FGF7: variants seen among roughly 807,000 people sequenced by gnomAD.
The protein encoded by FGF7 is FGF-7.
In FGF7, 6 loss-of-function variants were observed where a neutral mutation model predicts 20.5. The ratio of observed to expected loss-of-function variants is 0.29; its 90% CI spans 0.16 to 0.58. FGF7 has a LOEUF of 0.58. Ranked by LOEUF, FGF7 falls within the 20% of genes least tolerant of loss-of-function variation. The pLI, the probability that FGF7 is intolerant of heterozygous loss-of-function variation, is 0.90. For synonymous variants in FGF7, 64 were observed against 74.7 expected, an observed-to-expected ratio of 0.86 and a Z score of 0.74; for missense variants, 144 against 228.8, an observed-to-expected ratio of 0.63 and a Z score of 2.39.
chr15:49,444,597 A>T (rs2052004004), intron 2 of FGF7, among the ~76,000 whole-genome samples: 3 of 151,714 alleles, frequency 2.0e-5, no homozygotes, highest in South Asian at 4.1e-4. Flanking sequence ...AGCTGAAATA[A>T]CTTGGTATCT....
intron 2 of FGF7, among the ~76,000 whole-genome samples, chr15:49,475,016 T>A (rs1169915333): frequency 6.6e-6 from 1 of 152,256 alleles, no homozygotes; most frequent in Admixed American, 6.5e-5. Context: ...ATAAACTATA[T>A]TTCAGACAAT....
chr15:49,426,178 T>C (rs1177227417), intron 2 of FGF7, among the ~76,000 whole-genome samples: 1 of 151,832 alleles, frequency 6.6e-6, no homozygotes, highest in Non-Finnish European at 1.5e-5. Context: ...TGACCCTCAA[T>C]TTTTCATCTA....
rs1178919819 is a variant in FGF7, at chr15:49,423,250, ACAC to A, written c.-456_-454del. 2.0e-5 allele frequency: 3 copies of A among 152,454 alleles called. No individual in the cohort carries two copies. The highest frequency in any genetic ancestry group is 2.9e-5 in the Non-Finnish European group (2 of 68,282). The allele number at this position is 152,454 out of a possible 1,614,324, so 9.4% of individuals were successfully genotyped here. On this transcript the variant is annotated 5_prime_UTR_variant, in exon 1 of 4. Transcript: ENST00000267843. ...CCCTGAATAAAAGGCTCACACACAC[ACAC>A]AAGCACACACGCGCTCACACACAGA...
chr15:49,436,875 G>T (rs2051154556), intron 2 of FGF7, among the ~76,000 whole-genome samples: 2 of 151,508 alleles, frequency 1.3e-5, no homozygotes, highest in Admixed American at 1.3e-4. Context: ...ACAAATAACT[G>T]AAGTTTTCTT....
At chr15:49,450,299 A>C (rs2052605720) in intron 2 of FGF7, among the ~76,000 whole-genome samples, 1 of 152,120 alleles carries the variant, frequency 6.6e-6, no homozygotes, top group Non-Finnish European at 1.5e-5. Context: ...AATACAAGAT[A>C]ACTCTTTCTT....
intron 2 of FGF7, among the ~76,000 whole-genome samples, chr15:49,430,401 T>C (rs1363870247): frequency 6.6e-6 from 1 of 151,726 alleles, no homozygotes; most frequent in Non-Finnish European, 1.5e-5. Context: ...GGATCTCACC[T>C]CTCATGGCCA....
chr15:49,464,669 C>A (rs763935203), intron 2 of FGF7, among the ~76,000 whole-genome samples: 21 of 152,134 alleles, frequency 1.4e-4, no homozygotes, highest in Middle Eastern at 3.4e-3. Flanking sequence ...CAGATGTTCC[C>A]ATAAAAATGT....
chr15:49,476,232 G>GTTTTTTTTTTTTTTTTTTTTTTTTTT lies in FGF7; in HGVS notation c.287-6906_287-6905insTTTTTTTTTTTTTTTTTTTTTTTTTT. 2.2e-3 allele frequency among the ~76,000 whole-genome samples: 129 copies of GTTTTTTTTTTTTTTTTTTTTTTTTTT among 57,430 alleles called. 28 individuals carry two copies. Among genetic ancestry groups the GTTTTTTTTTTTTTTTTTTTTTTTTTT allele is most frequent in the Middle Eastern group, 9.8e-3 (1 of 102 alleles). 37.7% of individuals were successfully genotyped at this position (57,430 alleles called of 152,430 possible). On this transcript the variant is annotated intron_variant, in intron 2 of 3. Transcript: ENST00000267843. Reference sequence around the variant, plus strand: ...TTGCTGTTTTGTTTTTTTGTTTTTGGTTTTTTTTTTTTTGCATTTGGCATA... The same window carrying GTTTTTTTTTTTTTTTTTTTTTTTTTT: ...TTGCTGTTTTGTTTTTTTGTTTTTGGTTTTTTTTTTTTTTTTTTTTTTTTTTTTTTTTTTTTTTTGCATTTGGCATA...
At chr15:49,467,787 G>A (rs2054394971) in intron 2 of FGF7, among the ~76,000 whole-genome samples, 1 of 152,066 alleles carries the variant, frequency 6.6e-6, no homozygotes, top group Non-Finnish European at 1.5e-5. Flanking sequence ...TCTGATTCAG[G>A]GAATATATCT....
At chr15:49,462,462 T>A (rs894699889) in intron 2 of FGF7, among the ~76,000 whole-genome samples, 2 of 152,230 alleles carry the variant, frequency 1.3e-5, no homozygotes, top group African/African-American at 4.8e-5. Context: ...AGTCTCATAA[T>A]TCTCTTTTCC....
Position 49,447,756 on chromosome 15 carries a change from A to G in FGF7, c.286+23173A>G, listed in dbSNP as rs190939507. ...TTTTATGTGGAATGACTTTGTCCTC[A>G]TTACTGCTTGCTCCAAACTAATTCA... On this transcript the variant is annotated intron_variant, in intron 2 of 3. Transcript: ENST00000267843. Among the ~76,000 whole-genome samples, 167 of 151,844 alleles carry G rather than the reference A, an allele frequency of 1.1e-3. 1 individual carries two copies. The highest frequency in any genetic ancestry group is 3.4e-3 in the Middle Eastern group (1 of 294).
At chr15:49,469,852 GA>G (rs1290082878) in intron 2 of FGF7, among the ~76,000 whole-genome samples, 9 of 152,032 alleles carry the variant, frequency 5.9e-5, no homozygotes, top group African/African-American at 2.2e-4. Flanking sequence ...ACGACTCTAA[GA>G]AGTCATAATG....
At chr15:49,469,940 C>T (rs536081626) in intron 2 of FGF7, among the ~76,000 whole-genome samples, 1 of 152,202 alleles carries the variant, frequency 6.6e-6, no homozygotes, top group East Asian at 1.9e-4. Flanking sequence ...AAAGAATTCT[C>T]ACCTTCACAG....
intron 2 of FGF7, among the ~76,000 whole-genome samples, chr15:49,428,833 A>C (rs754811575): frequency 4.6e-5 from 7 of 152,058 alleles, no homozygotes; most frequent in Non-Finnish European, 7.4e-5. Flanking sequence ...AGGGTTAGCC[A>C]TTCTGAAAAC....
intron 2 of FGF7, among the ~76,000 whole-genome samples, chr15:49,428,739 T>C (rs1015489463): frequency 6.6e-5 from 10 of 152,036 alleles, no homozygotes; most frequent in African/African-American, 1.2e-4. Context: ...TAATAGTCAA[T>C]ATCATCTACT....
intron 2 of FGF7, among the ~76,000 whole-genome samples, chr15:49,474,690 C>G (rs571332684): frequency 6.6e-6 from 1 of 152,158 alleles, no homozygotes; most frequent in Non-Finnish European, 1.5e-5. Context: ...AGGAACTAGG[C>G]GGCAGAGCAG....
chr15:49,432,063 A>C (rs2151792087), intron 2 of FGF7, among the ~76,000 whole-genome samples: 1 of 151,880 alleles, frequency 6.6e-6, no homozygotes, highest in African/African-American at 2.4e-5. Context: ...AATTATTCTG[A>C]AACTGAATTT....
At chr15:49,476,916 C>T (rs187302084) in intron 2 of FGF7, among the ~76,000 whole-genome samples, 38 of 152,090 alleles carry the variant, frequency 2.5e-4, no homozygotes, top group Non-Finnish European at 4.4e-4. Context: ...AAAAATTAGC[C>T]GGGCGTGGTG....
chr15:49,445,367 C>A (rs2052096660), intron 2 of FGF7, among the ~76,000 whole-genome samples: 1 of 151,538 alleles, frequency 6.6e-6, no homozygotes, highest in Admixed American at 6.6e-5. Context: ...TGAAAACATG[C>A]AGTATTTGGT....
Sources: gnomAD v4.1 joint callset for allele counts (sites outside exome capture counted in the v4.1 genomes callset) on GRCh38, gnomAD v4.1.1 for gene constraint, MANE v1.5 for transcripts, NCBI Gene and HGNC (gene_info 2026-07-23, HGNC 2026-07-21) for gene names.